RBFOX1: variants seen among roughly 807,000 people sequenced by gnomAD.
The protein encoded by RBFOX1 is RNA binding fox-1 homolog 1.
A neutral mutation model predicts 57.7 loss-of-function variants in RBFOX1; 8 were observed. The observed-to-expected ratio is 0.14, with a 90% CI of 0.08 to 0.25. The LOEUF (loss-of-function observed/expected upper bound fraction) is 0.25, where lower values mean the gene tolerates loss of function less well. RBFOX1 is among the 10% of genes least tolerant of loss of function. The probability of loss-of-function intolerance (pLI) is 1.00; values close to 1 mark genes in which losing one functional copy is unlikely to be tolerated. For missense variants in RBFOX1, 611 were observed against 548.5 expected (o/e 1.11, Z -1.14); for synonymous variants, 326 against 222.4 (o/e 1.47, Z -4.15).
intron 2 of RBFOX1, among the ~76,000 whole-genome samples, chr16:5,473,108 C>A (rs1299838178): frequency 6.6e-6 from 1 of 152,190 alleles, no homozygotes; most frequent in African/African-American, 2.4e-5. Flanking sequence ...CAAACATGCC[C>A]CTTTCCATTG....
intron 2 of RBFOX1, among the ~76,000 whole-genome samples, chr16:6,415,169 G>C (rs1436504396): frequency 6.7e-6 from 1 of 149,658 alleles, no homozygotes; most frequent in African/African-American, 2.5e-5. Context: ...CTTGAACCAG[G>C]GAGTCGGAGG....
chr16:7,030,965 G>A (rs921055641), intron 3 of RBFOX1, among the ~76,000 whole-genome samples: 4 of 152,224 alleles, frequency 2.6e-5, no homozygotes, highest in Admixed American at 2.6e-4. Context: ...GATCAAGAAA[G>A]GACATGGGGT....
intron 3 of RBFOX1, among the ~76,000 whole-genome samples, chr16:7,025,938 G>A (rs2040789259): frequency 6.6e-6 from 1 of 152,198 alleles, no homozygotes; most frequent in Non-Finnish European, 1.5e-5. Context: ...GCTCCCACCT[G>A]GCCTGGAAAG....
intron 2 of RBFOX1, among the ~76,000 whole-genome samples, chr16:6,522,778 G>A (rs1490369237): frequency 6.6e-6 from 1 of 152,176 alleles, no homozygotes; most frequent in Non-Finnish European, 1.5e-5. Context: ...TGCCTTCCAT[G>A]TGCACTGATA....
chr16:6,131,700 C>G (rs2096630842), intron 1 of RBFOX1, among the ~76,000 whole-genome samples: 1 of 152,190 alleles, frequency 6.6e-6, no homozygotes. Flanking sequence ...CATTGAATCA[C>G]TCTGGAGTTA....
At chr16:5,902,026 C>G (rs180803652) in intron 4 of RBFOX1, among the ~76,000 whole-genome samples, 35 of 152,174 alleles carry the variant, frequency 2.3e-4, no homozygotes, top group African/African-American at 8.2e-4. Flanking sequence ...TTATTCATGT[C>G]ATAGTACTTA....
intron 1 of RBFOX1, among the ~76,000 whole-genome samples, chr16:6,119,451 T>G (rs2096532007): frequency 6.6e-6 from 1 of 152,194 alleles, no homozygotes; most frequent in Non-Finnish European, 1.5e-5. Context: ...CCAAGTTTCT[T>G]CATGGTAAGA....
chr16:6,914,067 C>T (rs890849123), intron 3 of RBFOX1, among the ~76,000 whole-genome samples: 1 of 152,190 alleles, frequency 6.6e-6, no homozygotes, highest in Admixed American at 6.5e-5. Context: ...AGAAACCCAT[C>T]TTTTGTTTTA....
intron 4 of RBFOX1, among the ~76,000 whole-genome samples, chr16:5,881,571 T>C (rs2057764081): frequency 6.6e-6 from 1 of 152,074 alleles, no homozygotes; most frequent in South Asian, 2.1e-4. Context: ...TCCCAGCTAC[T>C]TGGGAGGCTG....
At chr16:6,913,409 G>A (rs541104601) in intron 3 of RBFOX1, among the ~76,000 whole-genome samples, 7 of 152,142 alleles carry the variant, frequency 4.6e-5, no homozygotes, top group African/African-American at 1.7e-4. Flanking sequence ...GGCAAGCCAC[G>A]GCATTGTTTG....
At chr16:6,671,506 A>T (rs1187733097) in intron 3 of RBFOX1, among the ~76,000 whole-genome samples, 1 of 152,164 alleles carries the variant, frequency 6.6e-6, no homozygotes, top group African/African-American at 2.4e-5. Context: ...GTCTGTTGGG[A>T]TGCATCTAGG....
chr16:6,942,786 A>G (rs979542301), intron 3 of RBFOX1, among the ~76,000 whole-genome samples: 9 of 152,178 alleles, frequency 5.9e-5, no homozygotes, highest in African/African-American at 2.2e-4. Flanking sequence ...AATGGTTTTT[A>G]TATATTGTCT....
chr16:7,372,455 A>T (rs940037195), intron 4 of RBFOX1, among the ~76,000 whole-genome samples: 1 of 152,132 alleles, frequency 6.6e-6, no homozygotes, highest in Non-Finnish European at 1.5e-5. Flanking sequence ...TGTGCTGACA[A>T]GTTAGAGTGT....
In RBFOX1 at chr16:5,950,260, G is replaced by A. The variant is rs192494446; in HGVS notation, c.351+82925G>A. Among the ~76,000 whole-genome samples the A allele has an allele frequency of 1.7e-3, 254 of 152,336 alleles. 2 individuals carry two copies. The highest frequency in any genetic ancestry group is 5.8e-4 in the East Asian group (3 of 5,178). Reference sequence around the variant, plus strand: ...CACTAAGCATAAAGCTTTTCTGCCTGTGGGTGTCTGTGCACCTGCCTAGAC... The same window carrying A: ...CACTAAGCATAAAGCTTTTCTGCCTATGGGTGTCTGTGCACCTGCCTAGAC... On this transcript the variant is annotated intron_variant, in intron 4 of 19. Coordinates refer to the RBFOX1 transcript ENST00000641259.
intron 4 of RBFOX1, among the ~76,000 whole-genome samples, chr16:5,889,964 C>T (rs770053750): frequency 2.0e-5 from 3 of 152,178 alleles, no homozygotes; most frequent in African/African-American, 4.8e-5. Flanking sequence ...GATCACAATG[C>T]GTGTGAGATG....
chr16:5,844,811 C>T (rs1367880508), intron 3 of RBFOX1, among the ~76,000 whole-genome samples: 1 of 152,140 alleles, frequency 6.6e-6, no homozygotes, highest in Non-Finnish European at 1.5e-5. Flanking sequence ...CAGGAGCCAA[C>T]ACAAAGGCGG....
chr16:6,554,381 G>C (rs1286932955), intron 2 of RBFOX1, among the ~76,000 whole-genome samples: 1 of 152,148 alleles, frequency 6.6e-6, no homozygotes, highest in Non-Finnish European at 1.5e-5. Flanking sequence ...AATTGCCTAG[G>C]GATGGAGCGT....
At chr16:7,366,235 A>G (rs1177328799) in intron 4 of RBFOX1, among the ~76,000 whole-genome samples, 3 of 152,216 alleles carry the variant, frequency 2.0e-5, no homozygotes, top group South Asian at 2.1e-4. Context: ...ATGTTCTCTT[A>G]TTGCCAGGAC....
At chr16:6,106,929 C>A (rs2096388116) in intron 1 of RBFOX1, among the ~76,000 whole-genome samples, 1 of 152,112 alleles carries the variant, frequency 6.6e-6, no homozygotes, top group South Asian at 2.1e-4. Flanking sequence ...CCTTGGCCTC[C>A]CAAAGGGCTG....
Sources: allele counts gnomAD v4.1 joint callset (sites outside exome capture counted in the v4.1 genomes callset), GRCh38; gene constraint gnomAD v4.1.1; transcripts MANE v1.5; gene names NCBI Gene and HGNC (gene_info 2026-07-23, HGNC 2026-07-21).